The following FHIT variants were observed in gnomAD, a reference collection of about 807,000 sequenced individuals.
FHIT encodes fragile histidine triad diadenosine triphosphatase, also known as bis(5'-adenosyl)-triphosphatase.
A neutral mutation model predicts 17.9 loss-of-function variants in FHIT; 19 were observed. The ratio of observed to expected loss-of-function variants is 1.06; its 90% CI spans 0.74 to 1.56. The LOEUF (loss-of-function observed/expected upper bound fraction) is 1.56. Among genes scored for constraint, FHIT ranks in the 40% most tolerant of loss-of-function variants. The pLI is 0.00. For missense variants in FHIT, 248 were observed against 189.2 expected (o/e 1.31, Z -1.82); for synonymous variants, 81 against 69.7 (o/e 1.16, Z -0.81).
intron 8 of FHIT, among the ~76,000 whole-genome samples, chr3:59,883,281 G>A (rs780712): frequency 0.73 from 110,875 of 152,102 alleles, 44,493 homozygotes; most frequent in East Asian, 0.99. Flanking sequence ...ATATACATCT[G>A]TATTAGTCTG....
At position 60,350,852 on chromosome 3, in the gene FHIT, T is replaced by C. The variant is rs182009039; in HGVS notation, c.103+186008A>G. ...AAGAAATGCAAAGATGATAGAATGT[T>C]ACTGCTATGATTATGTTATGTAAAA... On this transcript the variant is annotated intron_variant, in intron 5 of 9. Coordinates refer to ENST00000492590, the MANE Select transcript of FHIT (RefSeq NM_002012.4). Among the ~76,000 whole-genome samples, 372 of 152,326 alleles carry C rather than the reference T, an allele frequency of 2.4e-3. 4 individuals carry two copies. The highest frequency in any genetic ancestry group is 8.5e-3 in the African/African-American group (352 of 41,570).
chr3:61,170,107 G>A (rs1386207936), intron 2 of FHIT, among the ~76,000 whole-genome samples: 1 of 152,058 alleles, frequency 6.6e-6, no homozygotes, highest in Non-Finnish European at 1.5e-5. Context: ...AGGGCTCAGA[G>A]GAGTATAATT....
At chr3:59,956,984 T>C (rs111585796) in intron 7 of FHIT, among the ~76,000 whole-genome samples, 2 of 152,218 alleles carry the variant, frequency 1.3e-5, no homozygotes, top group African/African-American at 2.4e-5. Context: ...TTGAGACTTA[T>C]TGTCCATTTC....
chr3:61,100,612 T>C (rs993244353), intron 2 of FHIT, among the ~76,000 whole-genome samples: 1 of 152,216 alleles, frequency 6.6e-6, no homozygotes, highest in African/African-American at 2.4e-5. Context: ...TAATTCTAGT[T>C]CTAGATAATT....
chr3:60,546,159 A>G (rs1010858399), intron 4 of FHIT, among the ~76,000 whole-genome samples: 1 of 152,154 alleles, frequency 6.6e-6, no homozygotes, highest in Non-Finnish European at 1.5e-5. Context: ...AATCTGCTGG[A>G]TAAGTTTAAT....
intron 5 of FHIT, among the ~76,000 whole-genome samples, chr3:60,469,181 A>T (rs2032953847): frequency 6.6e-6 from 1 of 152,052 alleles, no homozygotes; most frequent in African/African-American, 2.4e-5. Flanking sequence ...ACCTTCCTGT[A>T]CTTAAATATT....
chr3:59,984,913 G>A (rs1708824113), intron 7 of FHIT, among the ~76,000 whole-genome samples: 2 of 152,068 alleles, frequency 1.3e-5, no homozygotes, highest in African/African-American at 4.8e-5. Context: ...TAGCAGCAGG[G>A]TCAGCAGTAT....
At chr3:59,760,371 A>T (rs188045595) in intron 8 of FHIT, among the ~76,000 whole-genome samples, 1 of 152,296 alleles carries the variant, frequency 6.6e-6, no homozygotes, top group Admixed American at 6.5e-5. Flanking sequence ...CCAATTATAC[A>T]TTGAAGTATC....
At chr3:60,662,471 T>C (rs2040280932) in intron 4 of FHIT, among the ~76,000 whole-genome samples, 1 of 152,206 alleles carries the variant, frequency 6.6e-6, no homozygotes, top group Non-Finnish European at 1.5e-5. Context: ...AGTTGGGTAA[T>C]GAGATGCCTC....
chr3:61,020,895 A>G (rs887978783), intron 3 of FHIT, among the ~76,000 whole-genome samples: 2 of 152,234 alleles, frequency 1.3e-5, no homozygotes, highest in Non-Finnish European at 2.9e-5. Flanking sequence ...AGTCTCTGAT[A>G]AAACAGACTT....
intron 4 of FHIT, among the ~76,000 whole-genome samples, chr3:60,574,352 C>G (rs567609329): frequency 4.6e-4 from 69 of 151,502 alleles, no homozygotes; most frequent in Non-Finnish European, 8.8e-4. Flanking sequence ...CTTGTATCTC[C>G]TTCTCCAACT....
intron 8 of FHIT, among the ~76,000 whole-genome samples, chr3:59,874,015 CTCT>C (rs781476040): frequency 6.6e-6 from 1 of 152,192 alleles, no homozygotes; most frequent in African/African-American, 2.4e-5. Flanking sequence ...TTCAACTTCT[CTCT>C]TCTTCTTTCA....
At position 59,871,950 on chromosome 3, in the gene FHIT, C is replaced by A. The variant is rs77303257; in HGVS notation, c.348+50396G>T. 8.0e-4 allele frequency among the ~76,000 whole-genome samples: 122 copies of A among 152,192 alleles called. 3 individuals carry two copies. In the East Asian group the frequency reaches 0.016, roughly 20 times the overall value. On this transcript the variant is annotated intron_variant, in intron 8 of 9. Coordinates refer to ENST00000492590, the MANE Select transcript of FHIT (RefSeq NM_002012.4). ...ACAGAGATAATACACATCTAAACAG[C>A]GGTGATAAATGCATGGGAATTACAG...
intron 4 of FHIT, among the ~76,000 whole-genome samples, chr3:60,544,619 A>C (rs2036301022): frequency 8.8e-6 from 1 of 113,168 alleles, no homozygotes; most frequent in Non-Finnish European, 1.7e-5. Context: ...TTTTTTTGAG[A>C]CAGAGTCTCA....
At chr3:61,016,456 A>G (rs1207820452) in intron 3 of FHIT, among the ~76,000 whole-genome samples, 1 of 152,220 alleles carries the variant, frequency 6.6e-6, no homozygotes, top group East Asian at 1.9e-4. Flanking sequence ...TTAAAGACAC[A>G]GGGGATTTTG....
intron 5 of FHIT, among the ~76,000 whole-genome samples, chr3:60,365,886 T>A (rs560120694): frequency 6.6e-6 from 1 of 152,276 alleles, no homozygotes; most frequent in South Asian, 2.1e-4. Flanking sequence ...ATATACCTGA[T>A]TAACAAACAG....
At chr3:60,243,346 A>G (rs1312602339) in intron 5 of FHIT, among the ~76,000 whole-genome samples, 1 of 152,158 alleles carries the variant, frequency 6.6e-6, no homozygotes, top group Non-Finnish European at 1.5e-5. Context: ...TGGGGCAAAC[A>G]AAGAAACAAA....
chr3:59,844,756 A>G (rs1701656523), intron 8 of FHIT, among the ~76,000 whole-genome samples: 1 of 152,140 alleles, frequency 6.6e-6, no homozygotes, highest in African/African-American at 2.4e-5. Context: ...AGCAATGTTT[A>G]TAAGGGATAT....
intron 3 of FHIT, among the ~76,000 whole-genome samples, chr3:61,040,928 A>G (rs1185081324): frequency 7.9e-5 from 12 of 152,172 alleles, no homozygotes; most frequent in Admixed American, 7.9e-4. Context: ...AATCAGCAAT[A>G]TAGCAGAGAT....
Sources: allele counts gnomAD v4.1 joint callset (sites outside exome capture counted in the v4.1 genomes callset), GRCh38; gene constraint gnomAD v4.1.1; transcripts MANE v1.5; gene names NCBI Gene and HGNC (gene_info 2026-07-23, HGNC 2026-07-21).